NTN4: variants seen among roughly 807,000 people sequenced by gnomAD.
The protein encoded by NTN4 is netrin 4.
A neutral mutation model predicts 73.6 loss-of-function variants in NTN4; 32 were observed. That is an observed-to-expected ratio of 0.44 (90% CI 0.33 to 0.58). The LOEUF (loss-of-function observed/expected upper bound fraction) is 0.58. NTN4 is among the 20% of genes least tolerant of loss of function. NTN4 has a pLI of 0.04. For synonymous variants in NTN4, 258 were observed against 287.5 expected (o/e 0.90, Z 1.04); for missense variants, 654 against 798.3 (o/e 0.82, Z 2.18).
At chr12:95,749,809 AG>A (rs2078890455) in intron 2 of NTN4, among the ~76,000 whole-genome samples, 2 of 148,068 alleles carry the variant, frequency 1.4e-5, no homozygotes, top group African/African-American at 5.0e-5. Flanking sequence ...TTTCTGGGGG[AG>A]GGGCAAGTAC....
At chr12:95,682,057 CTTTTTTTT>C (rs557973212) in intron 7 of NTN4, among the ~76,000 whole-genome samples, 2 of 64,544 alleles carry the variant, frequency 3.1e-5, no homozygotes, top group Non-Finnish European at 5.2e-5. Flanking sequence ...ATTCAGTAGG[CTTTTTTTT>C]TTTTTTTTTT....
intron 5 of NTN4, among the ~76,000 whole-genome samples, chr12:95,694,179 T>C (rs2078423310): frequency 6.6e-6 from 1 of 152,234 alleles, no homozygotes; most frequent in South Asian, 2.1e-4. Flanking sequence ...ACTTTTGTTA[T>C]TTTGTTATAA....
At chr12:95,716,208 G>A (rs962626658) in intron 3 of NTN4, among the ~76,000 whole-genome samples, 8 of 152,096 alleles carry the variant, frequency 5.3e-5, no homozygotes, top group African/African-American at 1.9e-4. Flanking sequence ...TAGGGAAAAT[G>A]TTAAGGGGTG....
intron 7 of NTN4, among the ~76,000 whole-genome samples, chr12:95,671,297 C>A (rs1477311696): frequency 6.6e-6 from 1 of 152,158 alleles, no homozygotes; most frequent in Non-Finnish European, 1.5e-5. Context: ...CTGCGCCCAG[C>A]CTGTACATAG....
chr12:95,683,608 C>A lies in NTN4; in HGVS notation c.1284G>T (p.Gly428=). The A allele has an allele frequency of 1.9e-6, 3 of 1,614,196 alleles. No individual in the cohort carries two copies. The highest frequency in any genetic ancestry group is 2.5e-6 in the Non-Finnish European group (3 of 1,180,036). ...CCACCATGCACCTGTCACAACGTCG[C>A]CCTGCCACCCCAGGCTTGCAAGGGC... ...GDCPCKPGVA[G]RRCDRCMVGY... Residue 428 remains glycine, a synonymous_variant, in exon 6 of 10, where the codon GGG becomes GGT. Coordinates refer to ENST00000343702, the MANE Select transcript of NTN4 (RefSeq NM_021229.4).
intron 7 of NTN4, among the ~76,000 whole-genome samples, chr12:95,681,696 T>A (rs1345122119): frequency 6.6e-6 from 1 of 152,176 alleles, no homozygotes; most frequent in South Asian, 2.1e-4. Context: ...CATACCACTA[T>A]CATGGCATGC....
Position 95,758,151 on chromosome 12 carries a change from A to G in NTN4, c.586-20007T>C, listed in dbSNP as rs929265044. 4.6e-5 allele frequency among the ~76,000 whole-genome samples: 7 copies of G among 152,362 alleles called. 1 individual carries two copies. In the South Asian group the frequency reaches 1.2e-3, roughly 27 times the overall value. The stretch of plus-strand genomic sequence containing the variant: ...AAGTGGATATTTATAAGGAACTGCC[A>G]AAGTGTTTGCTAAAGTTGTTGTACT... On this transcript the variant is annotated intron_variant, in intron 2 of 9. Transcript: ENST00000343702.
chr12:95,753,821 C>G (rs1312188601), intron 2 of NTN4, among the ~76,000 whole-genome samples: 1 of 151,736 alleles, frequency 6.6e-6, no homozygotes, highest in Non-Finnish European at 1.5e-5. Flanking sequence ...CCTGTATAGA[C>G]GCTCCTTTTT....
intron 7 of NTN4, among the ~76,000 whole-genome samples, chr12:95,671,377 G>T (rs2078228942): frequency 6.6e-6 from 1 of 152,074 alleles, no homozygotes; most frequent in Non-Finnish European, 1.5e-5. Flanking sequence ...GTTAGGAACC[G>T]GGTCACACAG....
intron 8 of NTN4, among the ~76,000 whole-genome samples, chr12:95,666,212 G>T (rs1265545954): frequency 6.6e-6 from 1 of 152,072 alleles, no homozygotes; most frequent in Non-Finnish European, 1.5e-5. Flanking sequence ...TTTGTAAGTG[G>T]GAGCTAAGCT....
chr12:95,769,859 C>T (rs904692868), intron 2 of NTN4, among the ~76,000 whole-genome samples: 3 of 149,178 alleles, frequency 2.0e-5, no homozygotes, highest in African/African-American at 7.4e-5. Context: ...TGGGTTCAAG[C>T]GACTTTCCTG....
At chr12:95,758,077 A>G (rs1353709947) in intron 2 of NTN4, among the ~76,000 whole-genome samples, 1 of 152,178 alleles carries the variant, frequency 6.6e-6, no homozygotes, top group Non-Finnish European at 1.5e-5. Context: ...ATAAGCATGT[A>G]AGTTATTTTT....
intron 9 of NTN4, among the ~76,000 whole-genome samples, chr12:95,660,925 G>T (rs911850427): frequency 2.6e-5 from 4 of 152,118 alleles, no homozygotes; most frequent in African/African-American, 9.7e-5. Flanking sequence ...CAGGTTCAGG[G>T]CAGGAAGTTG....
chr12:95,663,093 G>C (rs1401026882), intron 9 of NTN4, among the ~76,000 whole-genome samples: 3 of 151,566 alleles, frequency 2.0e-5, no homozygotes, highest in Admixed American at 6.6e-5. Context: ...ACTCTAGCCT[G>C]GGCAACAGAG....
At chr12:95,715,679 A>T (rs963024415) in intron 3 of NTN4, among the ~76,000 whole-genome samples, 10 of 152,200 alleles carry the variant, frequency 6.6e-5, no homozygotes, top group African/African-American at 2.4e-4. Context: ...TAAAAATGAG[A>T]TTTTTTTCAT....
intron 1 of NTN4, among the ~76,000 whole-genome samples, chr12:95,788,655 CAG>C (rs558205228): frequency 3.9e-4 from 59 of 152,342 alleles, no homozygotes; most frequent in Non-Finnish European, 7.9e-4. Context: ...TAGGCTGCAA[CAG>C]AGACATTTCA....
At chr12:95,707,201 G>A (rs1224133871) in intron 5 of NTN4, among the ~76,000 whole-genome samples, 1 of 152,102 alleles carries the variant, frequency 6.6e-6, no homozygotes, top group Non-Finnish European at 1.5e-5. Flanking sequence ...AAAAGCTGGT[G>A]AGCTTACAGT....
intron 3 of NTN4, among the ~76,000 whole-genome samples, chr12:95,729,951 G>A (rs1049040856): frequency 1.3e-5 from 2 of 152,056 alleles, no homozygotes; most frequent in African/African-American, 4.8e-5. Flanking sequence ...TGGAAGGCCA[G>A]GTCTTCCAGA....
chr12:95,713,729 AAT>A (rs1225828105), intron 3 of NTN4, among the ~76,000 whole-genome samples: 24 of 152,170 alleles, frequency 1.6e-4, no homozygotes, highest in African/African-American at 5.8e-4. Context: ...AAATGACATT[AAT>A]ATAACATTTG....
Sources: gnomAD v4.1 joint callset for allele counts (sites outside exome capture counted in the v4.1 genomes callset) on GRCh38, gnomAD v4.1.1 for gene constraint, MANE v1.5 for transcripts, NCBI Gene and HGNC (gene_info 2026-07-23, HGNC 2026-07-21) for gene names.